The following PLCL2 variants were observed in gnomAD, a reference collection of about 807,000 sequenced individuals.
PLCL2 encodes phospholipase C like 2, also known as inactive phospholipase C-like protein 2.
A neutral mutation model predicts 79.6 loss-of-function variants in PLCL2; 4 were observed. The observed-to-expected ratio is 0.05, with a 90% CI of 0.02 to 0.11. The LOEUF is 0.11. PLCL2 is among the 10% of genes least tolerant of loss of function. The probability of loss-of-function intolerance (pLI) is 1.00; values close to 1 mark genes in which losing one functional copy is unlikely to be tolerated. For synonymous variants in PLCL2, 484 were observed against 457.7 expected, an observed-to-expected ratio of 1.06 and a Z score of -0.73; for missense variants, 895 against 1,291.0, an observed-to-expected ratio of 0.69 and a Z score of 4.70.
At chr3:16,988,779 C>CAAG (rs1320497823) in intron 1 of PLCL2, among the ~76,000 whole-genome samples, 3 of 151,980 alleles carry the variant, frequency 2.0e-5, no homozygotes, top group Admixed American at 2.0e-4. Flanking sequence ...TTTAAACTTT[C>CAAG]AAGCAAAATA....
intron 5 of PLCL2, among the ~76,000 whole-genome samples, chr3:17,089,379 G>GT (rs930963319): frequency 1.5e-4 from 22 of 149,192 alleles, no homozygotes; most frequent in East Asian, 3.9e-4. Context: ...AAAATAAAAA[G>GT]TTTTTTTTTT....
intron 3 of PLCL2, among the ~76,000 whole-genome samples, chr3:17,020,820 T>G (rs1206824485): frequency 2.0e-5 from 3 of 152,206 alleles, no homozygotes; most frequent in African/African-American, 7.2e-5. Flanking sequence ...GTTTTTTTCC[T>G]TACACAGAAA....
chr3:17,048,475 G>T (rs1386410145), intron 4 of PLCL2, among the ~76,000 whole-genome samples: 1 of 152,088 alleles, frequency 6.6e-6, no homozygotes, highest in African/African-American at 2.4e-5. Flanking sequence ...ATCATTTACT[G>T]CCATAAAATA....
chr3:17,090,218 C>A lies in PLCL2; in HGVS notation c.*306C>A. On this transcript the variant is annotated 3_prime_UTR_variant, in exon 6 of 6. Coordinates refer to ENST00000615277, the MANE Select transcript of PLCL2 (RefSeq NM_001144382.2). ...TCTAGCTCCACTGAGAAACATTTTC[C>A]TAAGTGAAAACAATTTCTTAAGATG... 9.6e-7 allele frequency: 1 copy of A among 1,039,814 alleles called. No homozygotes were observed. Among genetic ancestry groups the A allele is most frequent in the Non-Finnish European group, 1.2e-6 (1 of 864,280 alleles). 64.4% of individuals were successfully genotyped at this position (1,039,814 alleles called of 1,614,324 possible). A position where few individuals can be genotyped will look rare whatever the true frequency, so the allele number is the denominator to read the frequency against.
At chr3:16,973,481 A>G (rs2063894858) in intron 1 of PLCL2, among the ~76,000 whole-genome samples, 1 of 152,092 alleles carries the variant, frequency 6.6e-6, no homozygotes, top group Non-Finnish European at 1.5e-5. Context: ...CTCTCCAGTG[A>G]ATGATCTCTT....
intron 4 of PLCL2, among the ~76,000 whole-genome samples, chr3:17,062,680 T>C (rs112956234): frequency 3.5e-4 from 54 of 152,218 alleles, no homozygotes; most frequent in Non-Finnish European, 5.9e-4. Flanking sequence ...AACTTCAAGA[T>C]AATGTGAACA....
chr3:16,893,518 A>G (rs913656832), intron 1 of PLCL2, among the ~76,000 whole-genome samples: 4 of 152,222 alleles, frequency 2.6e-5, no homozygotes, highest in African/African-American at 9.6e-5. Context: ...TGGGTTTAAA[A>G]GTGATTAATC....
chr3:17,053,379 A>G (rs2064861585), intron 4 of PLCL2, among the ~76,000 whole-genome samples: 2 of 152,032 alleles, frequency 1.3e-5, no homozygotes, highest in Admixed American at 1.3e-4. Flanking sequence ...ATGGTGTTGA[A>G]CCATTCATGA....
intron 4 of PLCL2, among the ~76,000 whole-genome samples, chr3:17,056,972 G>A (rs566155328): frequency 4.7e-4 from 72 of 152,256 alleles, no homozygotes; most frequent in African/African-American, 1.6e-3. Context: ...TATCATCAAG[G>A]TGTACTTTCA....
chr3:16,910,207 G>T (rs767427317), intron 1 of PLCL2, among the ~76,000 whole-genome samples: 1 of 152,040 alleles, frequency 6.6e-6, no homozygotes, highest in Admixed American at 6.6e-5. Context: ...CCCCTTTGCA[G>T]CAAAAACAAT....
At chr3:17,026,516 C>A (rs888820185) in intron 3 of PLCL2, among the ~76,000 whole-genome samples, 4 of 152,266 alleles carry the variant, frequency 2.6e-5, no homozygotes, top group African/African-American at 9.6e-5. Context: ...TATTCTGACA[C>A]TGGACAGACA....
chr3:17,024,645 G>C (rs1308373560), intron 3 of PLCL2, among the ~76,000 whole-genome samples: 1 of 152,172 alleles, frequency 6.6e-6, no homozygotes, highest in Non-Finnish European at 1.5e-5. Flanking sequence ...CTTTCCATGT[G>C]TGGTAATTTG....
At chr3:16,970,909 G>C (rs1420365597) in intron 1 of PLCL2, among the ~76,000 whole-genome samples, 4 of 151,732 alleles carry the variant, frequency 2.6e-5, no homozygotes, top group South Asian at 4.2e-4. Flanking sequence ...TGATGGGGTT[G>C]TTTGTTTTTT....
chr3:16,974,003 G>A (rs1305941822), intron 1 of PLCL2, among the ~76,000 whole-genome samples: 1 of 152,142 alleles, frequency 6.6e-6, no homozygotes, highest in South Asian at 2.1e-4. Flanking sequence ...AGACTGAGTA[G>A]GAGTTGAACT....
intron 3 of PLCL2, among the ~76,000 whole-genome samples, chr3:17,020,294 TTTG>T (rs2064434820): frequency 6.6e-6 from 1 of 152,224 alleles, no homozygotes. Context: ...TCTAAAGTTT[TTTG>T]TTAATTTTGC....
intron 3 of PLCL2, among the ~76,000 whole-genome samples, chr3:17,021,297 T>C (rs1224457703): frequency 6.6e-6 from 1 of 152,138 alleles, no homozygotes; most frequent in African/African-American, 2.4e-5. Flanking sequence ...AATCAGTTTC[T>C]CTGAAATCAT....
intron 1 of PLCL2, among the ~76,000 whole-genome samples, chr3:16,990,119 A>T (rs1385675415): frequency 7.2e-6 from 1 of 138,788 alleles, no homozygotes; most frequent in African/African-American, 2.8e-5. Flanking sequence ...GATGACGATG[A>T]CGATGATGGT....
At chr3:17,003,880 C>T (rs529740491) in intron 1 of PLCL2, among the ~76,000 whole-genome samples, 3 of 152,156 alleles carry the variant, frequency 2.0e-5, no homozygotes, top group Non-Finnish European at 4.4e-5. Context: ...GTTCTACCCC[C>T]AGTTTTTCTC....
chr3:17,032,064 A>G (rs2064589558), intron 3 of PLCL2, among the ~76,000 whole-genome samples: 1 of 151,294 alleles, frequency 6.6e-6, no homozygotes, highest in Non-Finnish European at 1.5e-5. Flanking sequence ...AATAACTTAT[A>G]TTTCTTAACT....
Sources: allele counts gnomAD v4.1 joint callset (sites outside exome capture counted in the v4.1 genomes callset), GRCh38; gene constraint gnomAD v4.1.1; transcripts MANE v1.5; gene names NCBI Gene and HGNC (gene_info 2026-07-23, HGNC 2026-07-21).